The following GRIP1 variants were observed in gnomAD, a reference collection of about 807,000 sequenced individuals.
The protein encoded by GRIP1 is glutamate receptor-interacting protein 1.
GRIP1 carries 45 observed loss-of-function variants against 129.9 expected under a neutral mutation model. That is an observed-to-expected ratio of 0.35 (90% confidence interval 0.27 to 0.44). The LOEUF (loss-of-function observed/expected upper bound fraction) is 0.44, where lower values mean the gene tolerates loss of function less well. Among genes scored for constraint, GRIP1 ranks in the 20% least tolerant of loss-of-function variants. The pLI is 1.00. For synonymous variants in GRIP1, 530 were observed against 520.8 expected, an observed-to-expected ratio of 1.02 and a Z score of -0.24; for missense variants, 1,196 against 1,396.8, an observed-to-expected ratio of 0.86 and a Z score of 2.29.
At chr12:66,354,485 C>T (rs1217227722) in intron 23 of GRIP1, among the ~76,000 whole-genome samples, 4 of 152,218 alleles carry the variant, frequency 2.6e-5, no homozygotes, top group Non-Finnish European at 5.9e-5. Context: ...CAAGCTCTCA[C>T]CGCACTGGGC....
intron 13 of GRIP1, among the ~76,000 whole-genome samples, chr12:66,432,893 T>C (rs775781981): frequency 1.4e-4 from 21 of 152,140 alleles, no homozygotes; most frequent in Non-Finnish European, 2.6e-4. Context: ...CTACATCAAA[T>C]TTACCTGGAA....
intron 1 of GRIP1, among the ~76,000 whole-genome samples, chr12:66,735,590 T>G (rs1245908267): frequency 1.3e-5 from 2 of 151,576 alleles, no homozygotes; most frequent in Non-Finnish European, 2.9e-5. Context: ...GGTAGGAAGA[T>G]AAAAAAGTTT....
chr12:66,513,137 A>G (rs978744169), intron 7 of GRIP1, among the ~76,000 whole-genome samples: 1 of 152,114 alleles, frequency 6.6e-6, no homozygotes, highest in Non-Finnish European at 1.5e-5. Flanking sequence ...CTGGTTCCAT[A>G]TGGACAGTGG....
chr12:66,676,271 A>C (rs1305876061), intron 1 of GRIP1, among the ~76,000 whole-genome samples: 38 of 152,174 alleles, frequency 2.5e-4, no homozygotes. Context: ...AGAATCAAGT[A>C]AAAATATCAA....
intron 7 of GRIP1, among the ~76,000 whole-genome samples, chr12:66,500,063 G>A (rs1005333767): frequency 1.3e-5 from 2 of 152,090 alleles, no homozygotes; most frequent in Admixed American, 1.3e-4. Flanking sequence ...TAATAGCAGA[G>A]TAAGAAAATT....
At chr12:67,047,549 T>C (rs889908878) in intron 1 of GRIP1, among the ~76,000 whole-genome samples, 7 of 152,200 alleles carry the variant, frequency 4.6e-5, no homozygotes, top group Non-Finnish European at 8.8e-5. Context: ...AGATTTTGTC[T>C]GTTTTGTTCA....
chr12:66,478,908 T>C (rs1052650676), intron 7 of GRIP1, among the ~76,000 whole-genome samples: 6 of 152,112 alleles, frequency 3.9e-5, no homozygotes, highest in African/African-American at 1.2e-4. Flanking sequence ...AGGGATAGCA[T>C]TAGGAAATAT....
chr12:66,539,819 T>C (rs1426426636), intron 3 of GRIP1, among the ~76,000 whole-genome samples: 2 of 152,138 alleles, frequency 1.3e-5, no homozygotes, highest in African/African-American at 2.4e-5. Flanking sequence ...AAATATTGGG[T>C]TTCAGTAACA....
chr12:66,351,874 TG>T (rs1200762260), intron 24 of GRIP1, among the ~76,000 whole-genome samples: 2 of 152,170 alleles, frequency 1.3e-5, no homozygotes, highest in African/African-American at 4.8e-5. Flanking sequence ...CTGGTTTAAT[TG>T]GTCTGGCATT....
chr12:66,381,089 T>A (rs947556243), intron 19 of GRIP1, among the ~76,000 whole-genome samples: 1 of 152,116 alleles, frequency 6.6e-6, no homozygotes, highest in African/African-American at 2.4e-5. Flanking sequence ...GAGCAGGATA[T>A]CTGAAGGATA....
At chr12:66,956,973 C>T (rs1011448114) in intron 1 of GRIP1, among the ~76,000 whole-genome samples, 2 of 152,118 alleles carry the variant, frequency 1.3e-5, no homozygotes, top group African/African-American at 4.8e-5. Context: ...TCCTCTGTTG[C>T]TTATTTTTAA....
intron 1 of GRIP1, among the ~76,000 whole-genome samples, chr12:66,999,398 G>A (rs2042517423): frequency 1.3e-5 from 2 of 152,056 alleles, no homozygotes. Flanking sequence ...TACTAGTGGG[G>A]GTAGAGCCAG....
chr12:66,759,223 C>T (rs2037395072), intron 1 of GRIP1, among the ~76,000 whole-genome samples: 1 of 152,244 alleles, frequency 6.6e-6, no homozygotes, highest in Admixed American at 6.5e-5. Flanking sequence ...AGGCTCAACA[C>T]CATGTGGAAG....
At chr12:66,367,231 A>C (rs1487253505) in intron 23 of GRIP1, among the ~76,000 whole-genome samples, 1 of 152,102 alleles carries the variant, frequency 6.6e-6, no homozygotes, top group Non-Finnish European at 1.5e-5. Context: ...TACAAACCAG[A>C]ATTCATTTGA....
chr12:66,724,908 C>T (rs1003601808), intron 1 of GRIP1, among the ~76,000 whole-genome samples: 4 of 152,260 alleles, frequency 2.6e-5, no homozygotes, highest in Non-Finnish European at 4.4e-5. Flanking sequence ...AGCCTGCCCA[C>T]GGGATCTTTC....
chr12:66,751,441 CACACTTCAGAAATTA>C (rs1566002752), intron 1 of GRIP1, among the ~76,000 whole-genome samples: 1 of 152,144 alleles, frequency 6.6e-6, no homozygotes, highest in Non-Finnish European at 1.5e-5. Flanking sequence ...ACCTCTTGCA[CACACTTCAGAAATTA>C]AAGGTAAAAA....
At chr12:66,809,721 G>A (rs901134906) in intron 1 of GRIP1, among the ~76,000 whole-genome samples, 10 of 150,340 alleles carry the variant, frequency 6.7e-5, no homozygotes, top group Admixed American at 2.6e-4. Flanking sequence ...GTCCAGTGGT[G>A]CAATCACAGC....
Position 66,402,750 on chromosome 12 carries a change from G to A in GRIP1, c.1984+3533C>T, listed in dbSNP as rs1433083567. ...TATTACCATTCAAAAATATTGAGAC[G>A]AAGCATGACAACTATTTAATGTGAT... On this transcript the variant is annotated intron_variant, in intron 16 of 24. Coordinates refer to ENST00000359742, the MANE Select transcript of GRIP1 (RefSeq NM_001366722.1). 6.6e-5 allele frequency among the ~76,000 whole-genome samples: 10 copies of A among 152,322 alleles called. 1 individual carries two copies. The highest frequency in any genetic ancestry group is 6.2e-4 in the South Asian group (3 of 4,826).
At chr12:66,602,088 A>C (rs2064301872) in intron 1 of GRIP1, among the ~76,000 whole-genome samples, 1 of 152,174 alleles carries the variant, frequency 6.6e-6, no homozygotes, top group Non-Finnish European at 1.5e-5. Context: ...TAATCAGAAA[A>C]GTCAAGAAAC....
Sources: gnomAD v4.1 joint callset for allele counts (sites outside exome capture counted in the v4.1 genomes callset) on GRCh38, gnomAD v4.1.1 for gene constraint, MANE v1.5 for transcripts, NCBI Gene and HGNC (gene_info 2026-07-23, HGNC 2026-07-21) for gene names.